UQCC1: variants seen among roughly 807,000 people sequenced by gnomAD.
The protein encoded by UQCC1 is bFGF-repressed Zic-binding protein.
In UQCC1, 38 loss-of-function variants were observed where a neutral mutation model predicts 48.0. The ratio of observed to expected loss-of-function variants is 0.79; its 90% CI spans 0.61 to 1.04. The LOEUF (loss-of-function observed/expected upper bound fraction) is 1.04, where lower values mean the gene tolerates loss of function less well. UQCC1 is among the 50% of genes least tolerant of loss of function. The probability of loss-of-function intolerance (pLI) is 0.00; values close to 1 mark genes in which losing one functional copy is unlikely to be tolerated. For synonymous variants in UQCC1, 111 were observed against 129.2 expected (o/e 0.86, Z 0.95); for missense variants, 368 against 381.8 (o/e 0.96, Z 0.30).
At chr20:35,365,544 C>T (rs1227823005) in intron 6 of UQCC1, among the ~76,000 whole-genome samples, 1 of 151,352 alleles carries the variant, frequency 6.6e-6, no homozygotes, top group Non-Finnish European at 1.5e-5. Context: ...GTAATCCCAG[C>T]TACTCGGAGG....
chr20:35,308,481 T>C (rs969186808), intron 8 of UQCC1, among the ~76,000 whole-genome samples: 1 of 152,222 alleles, frequency 6.6e-6, no homozygotes, highest in African/African-American at 2.4e-5. Context: ...ACCTGGAGAA[T>C]GGGCAGAGCC....
intron 7 of UQCC1, among the ~76,000 whole-genome samples, chr20:35,327,530 G>A (rs1042911973): frequency 6.6e-6 from 1 of 152,132 alleles, no homozygotes; most frequent in Non-Finnish European, 1.5e-5. Context: ...AAGTTTTTTT[G>A]TTTGTTTTAA....
chr20:35,317,865 G>T (rs2061079629), intron 7 of UQCC1, among the ~76,000 whole-genome samples: 1 of 152,134 alleles, frequency 6.6e-6, no homozygotes, highest in Non-Finnish European at 1.5e-5. Context: ...AATACCTTCT[G>T]TGTTTCTGGA....
At position 35,312,523 on chromosome 20, in the gene UQCC1, T is replaced by G. The variant is rs562366420; in HGVS notation, c.651+2165A>C. ...ATCCCCACCCAGCCAAGGTGACAGA[T>G]AATGTGAATGTAGTAAGCACTGTGA... On this transcript the variant is annotated intron_variant, in intron 8 of 9. Coordinates refer to ENST00000374385, the MANE Select transcript of UQCC1 (RefSeq NM_018244.5). 2.6e-3 allele frequency among the ~76,000 whole-genome samples: 389 copies of G among 152,152 alleles called. 2 individuals are homozygous for G. The highest frequency in any genetic ancestry group is 4.1e-3 in the Non-Finnish European group (277 of 67,994).
intron 1 of UQCC1, among the ~76,000 whole-genome samples, chr20:35,404,214 A>G (rs1205293671): frequency 2.0e-5 from 3 of 151,978 alleles, no homozygotes; most frequent in Non-Finnish European, 4.4e-5. Flanking sequence ...CTAAAAATAC[A>G]AAAAATTAGC....
chr20:35,376,739 C>T (rs1329047044), intron 4 of UQCC1, among the ~76,000 whole-genome samples: 12 of 151,986 alleles, frequency 7.9e-5, no homozygotes, highest in Non-Finnish European at 1.5e-4. Context: ...CTGAGGTGGG[C>T]GGATCACGAG....
intron 6 of UQCC1, among the ~76,000 whole-genome samples, chr20:35,349,589 A>C (rs2061468480): frequency 6.6e-6 from 1 of 151,886 alleles, no homozygotes; most frequent in Non-Finnish European, 1.5e-5. Flanking sequence ...TTTGAACATT[A>C]CATTTTAAGA....
At chr20:35,324,632 G>T (rs1487383495) in intron 7 of UQCC1, among the ~76,000 whole-genome samples, 1 of 152,210 alleles carries the variant, frequency 6.6e-6, no homozygotes, top group Non-Finnish European at 1.5e-5. Flanking sequence ...GGCCGAGCAA[G>T]ATAATTCCAT....
Position 35,383,858 on chromosome 20 carries a change from A to G in UQCC1, c.225+180T>C, listed in dbSNP as rs371302423. Among the ~76,000 whole-genome samples, 101 of 152,268 alleles carry G rather than the reference A, an allele frequency of 6.6e-4. No homozygotes were observed. In the South Asian group the frequency reaches 0.016, roughly 24 times the overall value. On this transcript the variant is annotated intron_variant, in intron 3 of 9. Coordinates refer to ENST00000374385, the MANE Select transcript of UQCC1 (RefSeq NM_018244.5). ...AGAGCAAGACCTTGTCCCTGAAAAA[A>G]AAAAATTCATTTTGTCTGCCACTTA... is the stretch of plus-strand genomic sequence containing the variant.
chr20:35,361,302 A>AC (rs1414025484), intron 6 of UQCC1, among the ~76,000 whole-genome samples: 2 of 147,072 alleles, frequency 1.4e-5, no homozygotes, highest in African/African-American at 5.1e-5. Flanking sequence ...ACTTCTACTC[A>AC]CCCTTTAGGT....
At chr20:35,394,749 G>A (rs1310757656) in intron 1 of UQCC1, among the ~76,000 whole-genome samples, 2 of 152,106 alleles carry the variant, frequency 1.3e-5, no homozygotes, top group Non-Finnish European at 2.9e-5. Flanking sequence ...CACCAACTGG[G>A]TGTCCTACAA....
chr20:35,359,905 C>T (rs1000351183), intron 6 of UQCC1, among the ~76,000 whole-genome samples: 1 of 152,128 alleles, frequency 6.6e-6, no homozygotes, highest in Non-Finnish European at 1.5e-5. Flanking sequence ...TCCCAAACTC[C>T]CTCACTATGA....
intron 4 of UQCC1, among the ~76,000 whole-genome samples, chr20:35,377,882 A>G (rs1269796156): frequency 6.6e-6 from 1 of 152,230 alleles, no homozygotes; most frequent in Non-Finnish European, 1.5e-5. Flanking sequence ...GTATGTTTTC[A>G]GTGCTCATGC....
At chr20:35,368,311 G>A (rs2061692330) in intron 5 of UQCC1, among the ~76,000 whole-genome samples, 1 of 152,088 alleles carries the variant, frequency 6.6e-6, no homozygotes, top group Admixed American at 6.6e-5. Context: ...GTTCTACTGG[G>A]TTCTTTACAT....
chr20:35,340,770 T>TG (rs918894933), intron 7 of UQCC1, among the ~76,000 whole-genome samples: 1 of 152,182 alleles, frequency 6.6e-6, no homozygotes, highest in African/African-American at 2.4e-5. Flanking sequence ...GACCTAGAGA[T>TG]GCAAAACAGT....
At chr20:35,321,388 T>C (rs2061127659) in intron 7 of UQCC1, among the ~76,000 whole-genome samples, 1 of 152,148 alleles carries the variant, frequency 6.6e-6, no homozygotes, top group Admixed American at 6.5e-5. Context: ...TGAAAGACAA[T>C]TTCTTTTTCT....
Position 35,392,180 on chromosome 20 carries a change from A to T in UQCC1, c.129+1912T>A, listed in dbSNP as rs143068875. 8.0e-5 allele frequency: 98 copies of T among 1,226,078 alleles called. 2 individuals carry two copies. The highest frequency in any genetic ancestry group is 9.3e-5 in the Non-Finnish European group (85 of 918,090). The allele number at this position is 1,226,078 out of a possible 1,614,324, so 75.9% of individuals were successfully genotyped here. A position where few individuals can be genotyped will look rare whatever the true frequency, so the allele number is the denominator to read the frequency against. ...ACACATCCCATTATGCACAATTCTAATTAACAAAACTCTTTCTCATTCTGA... is the reference window on the plus strand; with the variant it reads ...ACACATCCCATTATGCACAATTCTATTTAACAAAACTCTTTCTCATTCTGA... On this transcript the variant is annotated intron_variant, in intron 2 of 9. Coordinates refer to ENST00000374385, the MANE Select transcript of UQCC1 (RefSeq NM_018244.5).
chr20:35,383,922 C>T (rs554818272), intron 3 of UQCC1, 116 bp downstream of exon 3: 1 of 811,440 alleles, frequency 1.2e-6, no homozygotes, highest in Non-Finnish European at 2.0e-6. Context: ...CACTTTACCC[C>T]CTGAGCCTCA....
At position 35,338,880 on chromosome 20, in the gene UQCC1, A is replaced by ATATATCTATAT. The variant is rs1568666082; in HGVS notation, c.573+8283_573+8284insATATAGATATA. On this transcript the variant is annotated intron_variant, in intron 7 of 9. Coordinates refer to ENST00000374385, the MANE Select transcript of UQCC1 (RefSeq NM_018244.5). The stretch of plus-strand genomic sequence containing the variant: ...AGAAAAAAAAAAAAAAAAAAAAAAA[A>ATATATCTATAT]AAAAAAAAAAAAATATATATATATA... Among the ~76,000 whole-genome samples, 19 of 60,466 alleles carry ATATATCTATAT rather than the reference A, an allele frequency of 3.1e-4. No individual in the cohort carries two copies. The African/African-American group carries it at 3.8e-3, about 12-fold the overall frequency. 39.7% of individuals were successfully genotyped at this position (60,466 alleles called of 152,430 possible).
Sources: allele counts gnomAD v4.1 joint callset (sites outside exome capture counted in the v4.1 genomes callset), GRCh38; gene constraint gnomAD v4.1.1; transcripts MANE v1.5; gene names NCBI Gene and HGNC (gene_info 2026-07-23, HGNC 2026-07-21).